Variants in DOK6 observed in about 807,000 individuals in gnomAD.
DOK6 encodes the protein downstream of tyrosine kinase 6.
In DOK6, 22 loss-of-function variants were observed where a neutral mutation model predicts 44.0. The ratio of observed to expected loss-of-function variants is 0.50; its 90% confidence interval spans 0.36 to 0.71. DOK6 has a LOEUF of 0.71. DOK6 is among the 30% of genes least tolerant of loss of function. The pLI, the probability that DOK6 is intolerant of heterozygous loss-of-function variation, is 0.00. For missense variants in DOK6, 340 were observed against 416.4 expected (o/e 0.82, Z 1.60); for synonymous variants, 166 against 145.5 (o/e 1.14, Z -1.01).
At chr18:69,491,891 C>T (rs1029224047) in intron 1 of DOK6, among the ~76,000 whole-genome samples, 1 of 152,058 alleles carries the variant, frequency 6.6e-6, no homozygotes, top group Admixed American at 6.5e-5. Context: ...ACTTTTTTGC[C>T]AACTGGCTAG....
In DOK6 at chr18:69,668,737, G is replaced by A. The variant is rs146525152; in HGVS notation, c.290-8997G>A. Among the ~76,000 whole-genome samples the A allele has an allele frequency of 2.4e-3, 363 of 152,108 alleles. 2 individuals carry two copies. Among genetic ancestry groups the A allele is most frequent in the Admixed American group, 8.8e-3 (134 of 15,268 alleles). ...TTGTTTGGCTGGATTTGATCATTCC[G>A]CAATGTATGTGACTCAAAGCATCAT... On this transcript the variant is annotated intron_variant, in intron 3 of 7. Transcript: ENST00000382713.
chr18:69,717,123 T>C (rs901099527), intron 5 of DOK6, among the ~76,000 whole-genome samples: 5 of 152,214 alleles, frequency 3.3e-5, no homozygotes, highest in Admixed American at 3.3e-4. Context: ...TGAATTCTGG[T>C]CTAAAGAATA....
intron 7 of DOK6, among the ~76,000 whole-genome samples, chr18:69,813,543 A>G (rs1489884767): frequency 1.3e-5 from 2 of 152,028 alleles, no homozygotes; most frequent in Non-Finnish European, 2.9e-5. Context: ...AGAAAAGGAA[A>G]CCCTCTAACC....
chr18:69,745,545 C>A (rs529056705), intron 6 of DOK6, among the ~76,000 whole-genome samples: 2 of 152,228 alleles, frequency 1.3e-5, no homozygotes, highest in African/African-American at 4.8e-5. Flanking sequence ...TAATGAAGGC[C>A]ACATCCAGTG....
At chr18:69,532,142 G>C (rs575818718) in intron 1 of DOK6, among the ~76,000 whole-genome samples, 15 of 152,316 alleles carry the variant, frequency 9.8e-5, no homozygotes, top group African/African-American at 3.6e-4. Context: ...TTCCAGAACT[G>C]TGAGAAATAA....
At chr18:69,728,056 G>T (rs1978319470) in intron 5 of DOK6, among the ~76,000 whole-genome samples, 1 of 152,184 alleles carries the variant, frequency 6.6e-6, no homozygotes, top group Non-Finnish European at 1.5e-5. Flanking sequence ...TTTGGGCTTT[G>T]CAGGGATGCG....
At chr18:69,608,353 C>T (rs1984050481) in intron 3 of DOK6, among the ~76,000 whole-genome samples, 1 of 152,138 alleles carries the variant, frequency 6.6e-6, no homozygotes, top group Admixed American at 6.5e-5. Flanking sequence ...TATTCTGTTC[C>T]ATCAGTCTAT....
chr18:69,779,532 A>C (rs188869004), intron 7 of DOK6, among the ~76,000 whole-genome samples: 1 of 152,052 alleles, frequency 6.6e-6, no homozygotes, highest in East Asian at 1.9e-4. Context: ...CTATTTATTA[A>C]ATTCTTGTAA....
chr18:69,500,194 A>G (rs571969886), intron 1 of DOK6, among the ~76,000 whole-genome samples: 2 of 152,234 alleles, frequency 1.3e-5, no homozygotes, highest in Middle Eastern at 6.8e-3. Context: ...TTCCACCAAC[A>G]TACATACTGT....
intron 1 of DOK6, among the ~76,000 whole-genome samples, chr18:69,439,738 A>C (rs1979084461): frequency 6.6e-6 from 1 of 152,214 alleles, no homozygotes; most frequent in Non-Finnish European, 1.5e-5. Flanking sequence ...GCTTTGGCTT[A>C]AGGGAATGTT....
At chr18:69,507,227 C>A (rs745391309) in intron 1 of DOK6, among the ~76,000 whole-genome samples, 1 of 151,978 alleles carries the variant, frequency 6.6e-6, no homozygotes, top group Non-Finnish European at 1.5e-5. Flanking sequence ...GGGGGTTTCA[C>A]CGTGTTAGCC....
intron 5 of DOK6, among the ~76,000 whole-genome samples, chr18:69,712,588 T>A (rs1464246982): frequency 2.0e-5 from 3 of 152,208 alleles, no homozygotes; most frequent in Admixed American, 2.0e-4. Flanking sequence ...CTCATGCCTG[T>A]AATCCCAGCA....
intron 7 of DOK6, among the ~76,000 whole-genome samples, chr18:69,762,793 C>T (rs1424910975): frequency 6.6e-6 from 1 of 152,160 alleles, no homozygotes; most frequent in East Asian, 1.9e-4. Flanking sequence ...TGACTTAGCT[C>T]AGTTTTGCTG....
At chr18:69,516,082 G>C (rs1055117827) in intron 1 of DOK6, among the ~76,000 whole-genome samples, 4 of 152,166 alleles carry the variant, frequency 2.6e-5, no homozygotes, top group African/African-American at 9.7e-5. Flanking sequence ...TAAGACATTT[G>C]CAAGCATACT....
intron 7 of DOK6, among the ~76,000 whole-genome samples, chr18:69,805,503 A>G (rs1981028684): frequency 6.6e-6 from 1 of 152,182 alleles, no homozygotes; most frequent in Admixed American, 6.5e-5. Context: ...GTTCAAAGTA[A>G]TAAAAAATAA....
At chr18:69,700,150 A>G (rs755847881) in intron 5 of DOK6, among the ~76,000 whole-genome samples, 4 of 150,378 alleles carry the variant, frequency 2.7e-5, no homozygotes, top group Non-Finnish European at 4.4e-5. Context: ...TTTGGGAGCT[A>G]CAATTCAAGA....
chr18:69,510,656 G>A (rs866762550), intron 1 of DOK6, among the ~76,000 whole-genome samples: 3 of 152,098 alleles, frequency 2.0e-5, no homozygotes, highest in East Asian at 1.9e-4. Flanking sequence ...CATGAGCAAT[G>A]GTGAAACTGT....
intron 7 of DOK6, among the ~76,000 whole-genome samples, chr18:69,772,502 A>C (rs1404862991): frequency 1.3e-5 from 2 of 152,052 alleles, no homozygotes; most frequent in African/African-American, 2.4e-5. Flanking sequence ...TTAAAACAAT[A>C]AAACATAAAG....
At chr18:69,656,086 A>G (rs1985361465) in intron 3 of DOK6, among the ~76,000 whole-genome samples, 1 of 152,176 alleles carries the variant, frequency 6.6e-6, no homozygotes, top group South Asian at 2.1e-4. Flanking sequence ...TAAAACAAAA[A>G]GTCTTAAAAG....
Sources: allele counts gnomAD v4.1 joint callset (sites outside exome capture counted in the v4.1 genomes callset), GRCh38; gene constraint gnomAD v4.1.1; transcripts MANE v1.5; gene names NCBI Gene and HGNC (gene_info 2026-07-23, HGNC 2026-07-21).